RIPK2: variants seen among roughly 807,000 people sequenced by gnomAD.
RIPK2 encodes the protein receptor interacting serine/threonine kinase 2.
RIPK2 carries 38 observed loss-of-function variants against 60.9 expected under a neutral mutation model. The observed-to-expected ratio is 0.62, with a 90% CI of 0.48 to 0.82. The LOEUF (loss-of-function observed/expected upper bound fraction) is 0.82. RIPK2 is among the 40% of genes least tolerant of loss of function. RIPK2 has a pLI of 0.00. For synonymous variants in RIPK2, 225 were observed against 223.4 expected (o/e 1.01, Z -0.06); for missense variants, 518 against 647.0 (o/e 0.80, Z 2.16).
chr8:89,778,963 A>T (rs1249057051), intron 6 of RIPK2, among the ~76,000 whole-genome samples: 1 of 152,138 alleles, frequency 6.6e-6, no homozygotes, highest in Non-Finnish European at 1.5e-5. Context: ...GTCACTGTCA[A>T]CACTTCTTAT....
Position 89,758,097 on chromosome 8 carries a change from A to G in RIPK2, c.37A>G (p.Ile13Val). The G allele has an allele frequency of 6.2e-7, 1 of 1,607,876 alleles. No individual in the cohort carries two copies. Among genetic ancestry groups the G allele is most frequent in the Non-Finnish European group, 8.5e-7 (1 of 1,177,624 alleles). The change falls in exon 1 of 11, where the codon ATT (isoleucine) becomes GTT (valine). Residue 13 changes from isoleucine to valine, a missense_variant. Around this residue, in one of 3 missense-constraint regions of RIPK2, gnomAD observed 448 missense variants for 534.7 expected, o/e 0.84. Coordinates refer to ENST00000220751, the MANE Select transcript of RIPK2 (RefSeq NM_003821.6). ...GGCCATCTGCAGCGCCCTGCCCACC[A>G]TTCCCTACCACAAACTCGCCGACCT... Reference protein sequence around the residue: ...GEAICSALPTIPYHKLADLRY... With the variant: ...GEAICSALPTVPYHKLADLRY...
At chr8:89,778,793 A>T (rs1459697295) in intron 6 of RIPK2, among the ~76,000 whole-genome samples, 1 of 152,164 alleles carries the variant, frequency 6.6e-6, no homozygotes, top group Non-Finnish European at 1.5e-5. Flanking sequence ...CAAGTCTGTG[A>T]ACATATGTTT....
rs1391203970 is a variant in RIPK2, at chr8:89,764,824, TATG to T, written c.328-514_328-512del. Reference sequence around the variant, plus strand: ...ATTAATGCTTAGTCAATAAATACAATATGATCATAATTTGTAACTGATGCAGTG... The same window carrying T: ...ATTAATGCTTAGTCAATAAATACAATATCATAATTTGTAACTGATGCAGTG... On this transcript the variant is annotated intron_variant, in intron 2 of 10. Transcript: ENST00000220751. Among the ~76,000 whole-genome samples the T allele has an allele frequency of 5.3e-5, 8 of 152,230 alleles. No individual in the cohort carries two copies. In the Middle Eastern group the frequency reaches 0.014, roughly 259 times the overall value.
In RIPK2 at chr8:89,761,208, T is replaced by C. The variant is rs189885763; in HGVS notation, c.174-1621T>C. 1.2e-3 allele frequency among the ~76,000 whole-genome samples: 190 copies of C among 152,330 alleles called. 1 individual carries two copies. Among genetic ancestry groups the C allele is most frequent in the African/African-American group, 4.5e-3 (186 of 41,580 alleles). On this transcript the variant is annotated intron_variant, in intron 1 of 10. Coordinates refer to ENST00000220751, the MANE Select transcript of RIPK2 (RefSeq NM_003821.6). Reference sequence around the variant, plus strand: ...GTCTGGTCTAGAATGTCTGTTGCTATTCATATTTCAACAGCCATTCATTCA... The same window carrying C: ...GTCTGGTCTAGAATGTCTGTTGCTACTCATATTTCAACAGCCATTCATTCA...
chr8:89,775,643 T>C (rs1215328521), intron 6 of RIPK2, among the ~76,000 whole-genome samples: 1 of 152,152 alleles, frequency 6.6e-6, no homozygotes, highest in Non-Finnish European at 1.5e-5. Flanking sequence ...CTGTTTACAT[T>C]TGTATGAGTA....
intron 4 of RIPK2, among the ~76,000 whole-genome samples, chr8:89,770,455 T>C (rs1809293992): frequency 6.6e-6 from 1 of 151,868 alleles, no homozygotes; most frequent in South Asian, 2.1e-4. Context: ...TATAATCTCA[T>C]AATGCAGTAA....
chr8:89,782,176 C>T (rs1809512221), intron 7 of RIPK2, among the ~76,000 whole-genome samples: 1 of 152,010 alleles, frequency 6.6e-6, no homozygotes, highest in African/African-American at 2.4e-5. Context: ...GCACTGTGAT[C>T]CTGACAGTTG....
chr8:89,768,762 CT>C, intron 3 of RIPK2, among the ~76,000 whole-genome samples: 1 of 151,382 alleles, frequency 6.6e-6, no homozygotes. Flanking sequence ...TCTACCCCTC[CT>C]TTTTGGGAAT....
rs1289956978 is a variant in RIPK2 at position 89,786,707 on chromosome 8, T to C, written c.1123+21T>C. On this transcript the variant is annotated intron_variant, in intron 9 of 10. Transcript: ENST00000220751. Reference sequence around the variant, plus strand: ...ATCTAGTATGTAGATTTTCCAATCATTATTTACTTGCAAGTTTTCCATTTT... The same window carrying C: ...ATCTAGTATGTAGATTTTCCAATCACTATTTACTTGCAAGTTTTCCATTTT... 3 of 1,321,950 alleles carry C rather than the reference T, an allele frequency of 2.3e-6. No homozygotes were observed. The Admixed American group carries it at 6.0e-5, about 26-fold the overall frequency. 81.9% of individuals were successfully genotyped at this position (1,321,950 alleles called of 1,614,324 possible). A position where few individuals can be genotyped will look rare whatever the true frequency, so the allele number is the denominator to read the frequency against.
chr8:89,782,239 G>A (rs1809513421), intron 7 of RIPK2, among the ~76,000 whole-genome samples: 1 of 152,156 alleles, frequency 6.6e-6, no homozygotes, highest in African/African-American at 2.4e-5. Flanking sequence ...CTGGACAAAG[G>A]GATGATTCAC....
At chr8:89,781,233 A>C (rs1809493759) in intron 7 of RIPK2, among the ~76,000 whole-genome samples, 1 of 152,086 alleles carries the variant, frequency 6.6e-6, no homozygotes, top group African/African-American at 2.4e-5. Context: ...AAATGCATAA[A>C]GGAAGGAACT....
intron 1 of RIPK2, among the ~76,000 whole-genome samples, chr8:89,761,713 A>C (rs974327292): frequency 3.7e-5 from 1 of 26,706 alleles, no homozygotes. Flanking sequence ...CTGGTCTGTT[A>C]AAAAAAAAAA....
chr8:89,765,026 T>C (rs564916944), intron 2 of RIPK2, among the ~76,000 whole-genome samples: 245 of 152,180 alleles, frequency 1.6e-3, no homozygotes, highest in African/African-American at 5.6e-3. Context: ...TATATGACTC[T>C]GGCTATATAC....
In RIPK2 at chr8:89,791,005, C is replaced by T. The variant is rs1393049606; in HGVS notation, c.*589C>T. 1 of 152,042 alleles carries T rather than the reference C, an allele frequency of 6.6e-6. No homozygotes were observed. 9.4% of individuals were successfully genotyped at this position (152,042 alleles called of 1,614,324 possible). On this transcript the variant is annotated 3_prime_UTR_variant, in exon 11 of 11. Coordinates refer to ENST00000220751, the MANE Select transcript of RIPK2 (RefSeq NM_003821.6). ...CCGGCTTCCTGTCCCCATTTTTAACCTCAGCCTTCCCTACTGTCACCAACA... is the reference window on the plus strand; with the variant it reads ...CCGGCTTCCTGTCCCCATTTTTAACTTCAGCCTTCCCTACTGTCACCAACA...
In RIPK2 at chr8:89,758,117, C is replaced by T. The variant is rs1310491981; in HGVS notation, c.57C>T (p.Ala19=). The change falls in exon 1 of 11, where the codon GCC becomes GCT. Residue 19 remains alanine, a synonymous_variant. Coordinates refer to ENST00000220751, the MANE Select transcript of RIPK2 (RefSeq NM_003821.6). ...ALPTIPYHKL[A]DLRYLSRGAS... Reference sequence around the variant, plus strand: ...CCACCATTCCCTACCACAAACTCGCCGACCTGCGCTACCTGAGCCGCGGCG... The same window carrying T: ...CCACCATTCCCTACCACAAACTCGCTGACCTGCGCTACCTGAGCCGCGGCG... 6.2e-7 allele frequency: 1 copy of T among 1,605,870 alleles called. No individual in the cohort carries two copies. Among genetic ancestry groups the T allele is most frequent in the Non-Finnish European group, 8.5e-7 (1 of 1,176,660 alleles).
At chr8:89,763,134 T>C (rs1586117379) in intron 2 of RIPK2, 152 bp downstream of exon 2, 2 of 488,094 alleles carry the variant, frequency 4.1e-6, no homozygotes, top group East Asian at 7.1e-5. Flanking sequence ...ATTTTACCTT[T>C]TGTGACATTT....
intron 9 of RIPK2, among the ~76,000 whole-genome samples, chr8:89,788,983 ACAT>A (rs1188063348): frequency 7.2e-5 from 11 of 152,204 alleles, no homozygotes; most frequent in African/African-American, 2.7e-4. Context: ...AGAAAGACAG[ACAT>A]CATATATAGA....
chr8:89,787,970 T>C (rs954036230), intron 9 of RIPK2, among the ~76,000 whole-genome samples: 65 of 151,926 alleles, frequency 4.3e-4, no homozygotes, highest in African/African-American at 1.3e-3. Context: ...AGAGGAGCGA[T>C]GAGAGAAAAA....
At position 89,790,306 on chromosome 8, in the gene RIPK2, A is replaced by G. The variant is rs201504169; in HGVS notation, c.1513A>G (p.Ile505Val). The G allele has an allele frequency of 3.1e-6, 5 of 1,614,134 alleles. No homozygotes were observed. The highest frequency in any genetic ancestry group is 2.7e-5 in the African/African-American group (2 of 75,056). Reference protein sequence around the residue: ...DIQGEEFAKVIVQKLKDNKQM... With the variant: ...DIQGEEFAKVVVQKLKDNKQM... ...CCAAGGAGAAGAATTTGCCAAAGTT[A>G]TAGTACAAAAATTGAAAGATAACAA... The change falls in exon 11 of 11, where the codon ATA becomes GTA. Residue 505 changes from isoleucine (I) to valine (V), a missense_variant. Coordinates refer to ENST00000220751, the MANE Select transcript of RIPK2 (RefSeq NM_003821.6).
Sources: allele counts gnomAD v4.1 joint callset (sites outside exome capture counted in the v4.1 genomes callset), GRCh38; gene constraint gnomAD v4.1.1; regional missense constraint gnomAD v4.1.1; transcripts MANE v1.5; gene names NCBI Gene and HGNC (gene_info 2026-07-23, HGNC 2026-07-21).